Variants in KCNQ4 observed in about 807,000 individuals in gnomAD.
KCNQ4 encodes the protein potassium voltage-gated channel subfamily KQT member 4.
KCNQ4 carries 31 observed loss-of-function variants against 72.6 expected under a neutral mutation model. The ratio of observed to expected loss-of-function variants is 0.43; its 90% CI spans 0.32 to 0.58. KCNQ4 has a LOEUF of 0.58. Ranked by LOEUF, KCNQ4 falls within the 20% of genes least tolerant of loss-of-function variation. The pLI is 0.08. For synonymous variants in KCNQ4, 405 were observed against 403.7 expected, an observed-to-expected ratio of 1.00 and a Z score of -0.04; for missense variants, 869 against 962.6, an observed-to-expected ratio of 0.90 and a Z score of 1.29.
intron 4 of KCNQ4, chr1:40,818,970 A>C: frequency 1.7e-6 from 1 of 573,212 alleles, no homozygotes. Flanking sequence ...GACCACTCGT[A>C]CCACAAAGTG....
chr1:40,792,379 G>A (rs1356139005), intron 1 of KCNQ4, among the ~76,000 whole-genome samples: 1 of 152,208 alleles, frequency 6.6e-6, no homozygotes, highest in East Asian at 1.9e-4. Context: ...GGCAGGACCA[G>A]CAGGAAGGGA....
In KCNQ4 at chr1:40,820,154, T is replaced by C; in HGVS notation, c.946-11T>C. On this transcript the variant is annotated splice_polypyrimidine_tract_variant and intron_variant, in intron 6 of 13. Coordinates refer to ENST00000347132, the MANE Select transcript of KCNQ4 (RefSeq NM_004700.4). ...CCAGCACATTCCCCCAACCATGCCCTATCCCTCTAGGGCATCCTAGGCTCC... is the reference window on the plus strand; with the variant it reads ...CCAGCACATTCCCCCAACCATGCCCCATCCCTCTAGGGCATCCTAGGCTCC... 1 of 1,602,344 alleles carries C rather than the reference T, an allele frequency of 6.2e-7. No homozygotes were observed. Among genetic ancestry groups the C allele is most frequent in the South Asian group, 1.1e-5 (1 of 89,532 alleles).
At chr1:40,812,996 T>C (rs1053448853) in intron 1 of KCNQ4, among the ~76,000 whole-genome samples, 2 of 152,170 alleles carry the variant, frequency 1.3e-5, no homozygotes, top group Non-Finnish European at 2.9e-5. Context: ...AGAAGTGGCA[T>C]TGGAACAGAC....
intron 9 of KCNQ4, among the ~76,000 whole-genome samples, chr1:40,827,538 G>C (rs537991549): frequency 5.5e-4 from 84 of 152,326 alleles, no homozygotes; most frequent in Non-Finnish European, 1.5e-5. Flanking sequence ...TAAAAGCCCA[G>C]TGTGAGCTTC....
intron 1 of KCNQ4, among the ~76,000 whole-genome samples, chr1:40,814,306 G>A (rs971545163): frequency 2.0e-5 from 3 of 151,510 alleles, no homozygotes; most frequent in South Asian, 2.1e-4. Context: ...CACCCACCTC[G>A]GCCTCCCAAA....
Position 40,832,418 on chromosome 1 carries a change from T to C in KCNQ4, c.1514-596T>C, listed in dbSNP as rs117759648. The stretch of plus-strand genomic sequence containing the variant: ...CACAGCTGGTGCCCAGGACCTCCCT[T>C]CCCTGTCCTGGAAGCTGTCCGGGCT... On this transcript the variant is annotated intron_variant, in intron 10 of 13. Coordinates refer to ENST00000347132, the MANE Select transcript of KCNQ4 (RefSeq NM_004700.4). 3.4e-3 allele frequency among the ~76,000 whole-genome samples: 514 copies of C among 152,266 alleles called. 10 individuals carry two copies. The East Asian group carries it at 0.043, about 13-fold the overall frequency.
rs1648317871 is a variant in KCNQ4 at position 40,822,195 on chromosome 1, G to A, written c.1042-119G>A. ...GTCAGTGGCTGTGGAATTGGAACTG[G>A]CCTCTGGCTCTGGGTAACCCACAAC... On this transcript the variant is annotated intron_variant, in intron 7 of 13. Coordinates refer to ENST00000347132, the MANE Select transcript of KCNQ4 (RefSeq NM_004700.4). 8.5e-6 allele frequency: 7 copies of A among 823,904 alleles called. No homozygotes were observed. In the South Asian group the frequency reaches 9.9e-5, roughly 12 times the overall value. 51.0% of individuals were successfully genotyped at this position (823,904 alleles called of 1,614,324 possible).
intron 1 of KCNQ4, among the ~76,000 whole-genome samples, chr1:40,816,660 C>T (rs536387514): frequency 6.6e-6 from 1 of 152,322 alleles, no homozygotes; most frequent in South Asian, 2.1e-4. Context: ...CTCCACACTG[C>T]CCAATTCCCC....
chr1:40,819,730 G>T, intron 5 of KCNQ4, 145 bp from the exon 6 acceptor site: 1 of 827,324 alleles, frequency 1.2e-6, no homozygotes. Context: ...CCAGGAGAGG[G>T]AGAATCCATC....
In KCNQ4 at chr1:40,794,472, T is replaced by A. The variant is rs550186978; in HGVS notation, c.314+10065T>A. ...CTCAAAGAAGAGAAACACCACATACTAAGTTACACAGCTTGTCTGTGGTCG... is the reference window on the plus strand; with the variant it reads ...CTCAAAGAAGAGAAACACCACATACAAAGTTACACAGCTTGTCTGTGGTCG... On this transcript the variant is annotated intron_variant, in intron 1 of 13. Transcript: ENST00000347132. The surrounding 1 kb of genome is among the most constrained non-coding windows in gnomAD (Gnocchi z 4.2). Among the ~76,000 whole-genome samples the A allele has an allele frequency of 1.2e-4, 19 of 152,304 alleles. No individual in the cohort carries two copies. Among genetic ancestry groups the A allele is most frequent in the African/African-American group, 4.6e-4 (19 of 41,566 alleles).
intron 11 of KCNQ4, among the ~76,000 whole-genome samples, chr1:40,834,398 C>T (rs1648748947): frequency 6.6e-6 from 1 of 152,098 alleles, no homozygotes; most frequent in African/African-American, 2.4e-5. Context: ...CTGCCCACGC[C>T]TCTGCCCCTC....
At position 40,820,979 on chromosome 1, in the gene KCNQ4, G is replaced by T. The variant is rs576987339; in HGVS notation, c.1041+719G>T. Among the ~76,000 whole-genome samples, 15 of 152,318 alleles carry T rather than the reference G, an allele frequency of 9.8e-5. No homozygotes were observed. The East Asian group carries it at 2.5e-3, about 25-fold the overall frequency. ...ATACTGGCCCAGTCCACCTCTGCCT[G>T]CTCCCTAGCCTGTCACCCTCTGAGC... is the stretch of plus-strand genomic sequence containing the variant. On this transcript the variant is annotated intron_variant, in intron 7 of 13. Transcript: ENST00000347132.
chr1:40,796,788 C>T lies in KCNQ4; in HGVS notation c.314+12381C>T, dbSNP rs546331769. Among the ~76,000 whole-genome samples, 14 of 152,180 alleles carry T rather than the reference C, an allele frequency of 9.2e-5. No homozygotes were observed. The South Asian group carries it at 2.3e-3, about 25-fold the overall frequency. ...AAAAAATTATCTGGGTGTGATGGTG[C>T]GCACCTATAGTCCCAGCTACTTGGG... On this transcript the variant is annotated intron_variant, in intron 1 of 13. Coordinates refer to ENST00000347132, the MANE Select transcript of KCNQ4 (RefSeq NM_004700.4).
intron 1 of KCNQ4, among the ~76,000 whole-genome samples, chr1:40,797,698 T>TC (rs1557991927): frequency 6.6e-6 from 1 of 152,004 alleles, no homozygotes; most frequent in South Asian, 2.1e-4. Context: ...TCCTTTACCT[T>TC]CCCCCCAGGG....
intron 1 of KCNQ4, among the ~76,000 whole-genome samples, chr1:40,803,976 T>A (rs1185927471): frequency 6.6e-6 from 1 of 152,200 alleles, no homozygotes; most frequent in East Asian, 1.9e-4. Flanking sequence ...TTCGACCCTG[T>A]CAGCTCTTGG....
intron 1 of KCNQ4, among the ~76,000 whole-genome samples, chr1:40,796,444 A>G (rs1308741948): frequency 2.0e-5 from 3 of 152,178 alleles, no homozygotes; most frequent in Non-Finnish European, 4.4e-5. Flanking sequence ...CCTACTTTTC[A>G]GATGAGGAAG....
At chr1:40,816,908 A>G (rs573570378) in intron 1 of KCNQ4, among the ~76,000 whole-genome samples, 50 of 152,292 alleles carry the variant, frequency 3.3e-4, no homozygotes, top group African/African-American at 1.2e-3. Context: ...AAGACATCTT[A>G]AAACCAAGCT....
intron 7 of KCNQ4, among the ~76,000 whole-genome samples, chr1:40,820,887 C>G (rs937721257): frequency 6.6e-6 from 1 of 152,200 alleles, no homozygotes; most frequent in Non-Finnish European, 1.5e-5. Flanking sequence ...GACCCTGGGA[C>G]TAGGCCTTGG....
chr1:40,793,007 T>TTC (rs1553165683), intron 1 of KCNQ4, among the ~76,000 whole-genome samples: 1 of 139,880 alleles, frequency 7.1e-6, no homozygotes, highest in Non-Finnish European at 1.5e-5. Context: ...TTTCTTTCTT[T>TTC]TTTTTTTTTT....
Sources: gnomAD v4.1 joint callset for allele counts (sites outside exome capture counted in the v4.1 genomes callset) on GRCh38, gnomAD v4.1.1 for gene constraint, Gnocchi (gnomAD v3.1) non-coding constraint, MANE v1.5 for transcripts, NCBI Gene and HGNC (gene_info 2026-07-23, HGNC 2026-07-21) for gene names.